The following ARMC3 variants were observed in gnomAD, a reference collection of about 807,000 sequenced individuals.
The protein encoded by ARMC3 is armadillo repeat-containing protein 3.
A neutral mutation model predicts 90.3 loss-of-function variants in ARMC3; 74 were observed. The ratio of observed to expected loss-of-function variants is 0.82; its 90% CI spans 0.68 to 0.99. The LOEUF (loss-of-function observed/expected upper bound fraction) is 0.99. Among genes scored for constraint, ARMC3 ranks in the 50% least tolerant of loss-of-function variants. The pLI is 0.00. For synonymous variants in ARMC3, 334 were observed against 361.8 expected, an observed-to-expected ratio of 0.92 and a Z score of 0.87; for missense variants, 958 against 1,042.8, an observed-to-expected ratio of 0.92 and a Z score of 1.12.
rs1220404360 is a variant in ARMC3, at chr10:23,017,927, CTTAATA to C, written c.2045+8999_2045+9004del. Among the ~76,000 whole-genome samples the C allele has an allele frequency of 2.0e-5, 3 of 152,236 alleles. No individual in the cohort carries two copies. In the East Asian group the frequency reaches 5.8e-4, roughly 29 times the overall value. On this transcript the variant is annotated intron_variant, in intron 16 of 18. Coordinates refer to ENST00000298032, the MANE Select transcript of ARMC3 (RefSeq NM_173081.5). ...GCTGCAATCAAAGCTACTGTTTAATCTTAATATTGTCAGATCCTATTATAATGAACA... is the reference window on the plus strand; with the variant it reads ...GCTGCAATCAAAGCTACTGTTTAATCTTGTCAGATCCTATTATAATGAACA...
chr10:22,956,953 TTTCC>T (rs1834969123), intron 4 of ARMC3, among the ~76,000 whole-genome samples: 1 of 151,942 alleles, frequency 6.6e-6, no homozygotes, highest in African/African-American at 2.4e-5. Flanking sequence ...CAGGATATAT[TTTCC>T]TTGTCATTTT....
chr10:22,951,076 TACAGGCGCCCGCCA>T lies in ARMC3; in HGVS notation c.167-4730_167-4717del, dbSNP rs539111965. Among the ~76,000 whole-genome samples the T allele has an allele frequency of 2.0e-3, 303 of 151,932 alleles. 2 individuals carry two copies. The highest frequency in any genetic ancestry group is 7.0e-3 in the African/African-American group (289 of 41,484). ...CCTCAGCCTCCCAAGTAGCTGGGAC[TACAGGCGCCCGCCA>T]CTACACCCAGCTAATTGTTTGTATT... On this transcript the variant is annotated intron_variant, in intron 3 of 18. Coordinates refer to ENST00000298032, the MANE Select transcript of ARMC3 (RefSeq NM_173081.5).
intron 3 of ARMC3, among the ~76,000 whole-genome samples, chr10:22,948,201 T>G (rs1279952004): frequency 6.6e-6 from 1 of 152,178 alleles, no homozygotes; most frequent in East Asian, 1.9e-4. Context: ...TTTCTGGAAG[T>G]TACTATATCT....
At chr10:23,023,529 T>A (rs1219984392) in intron 16 of ARMC3, among the ~76,000 whole-genome samples, 1 of 152,208 alleles carries the variant, frequency 6.6e-6, no homozygotes, top group African/African-American at 2.4e-5. Flanking sequence ...ATAAATCAGT[T>A]GTTGGAATTA....
chr10:22,949,007 T>A (rs571532856), intron 3 of ARMC3, among the ~76,000 whole-genome samples: 4 of 152,174 alleles, frequency 2.6e-5, no homozygotes, highest in Non-Finnish European at 2.9e-5. Context: ...CCTGTTTCCA[T>A]CAGCCAGGCA....
intron 10 of ARMC3, among the ~76,000 whole-genome samples, chr10:22,989,116 A>G (rs1013329797): frequency 6.6e-6 from 1 of 152,174 alleles, no homozygotes; most frequent in African/African-American, 2.4e-5. Context: ...TAATGGAAGG[A>G]TGGTTCTGTA....
intron 12 of ARMC3, among the ~76,000 whole-genome samples, chr10:23,002,576 TTCTTTC>T (rs1837354734): frequency 7.2e-6 from 1 of 138,472 alleles, no homozygotes; most frequent in Admixed American, 7.2e-5. Flanking sequence ...CTTTCTTTCT[TTCTTTC>T]TTTTTCTTTC....
intron 10 of ARMC3, among the ~76,000 whole-genome samples, chr10:22,991,536 C>T (rs1836708237): frequency 6.6e-6 from 1 of 151,616 alleles, no homozygotes; most frequent in South Asian, 2.1e-4. Flanking sequence ...GTGCTAGGCT[C>T]TTGGGGTACC....
chr10:22,992,423 G>A (rs1824853), intron 10 of ARMC3, among the ~76,000 whole-genome samples: 1 of 151,158 alleles, frequency 6.6e-6, no homozygotes, highest in African/African-American at 2.4e-5. Flanking sequence ...CTAGCATTTT[G>A]CGGGGGGCAT....
At chr10:23,028,421 A>G (rs1455755425) in intron 16 of ARMC3, among the ~76,000 whole-genome samples, 1 of 152,180 alleles carries the variant, frequency 6.6e-6, no homozygotes, top group Non-Finnish European at 1.5e-5. Flanking sequence ...GTCTTTGTGT[A>G]ATCAACATCT....
chr10:22,953,303 G>GAT (rs1248807612), intron 3 of ARMC3, among the ~76,000 whole-genome samples: 1 of 152,040 alleles, frequency 6.6e-6, no homozygotes, highest in Admixed American at 6.6e-5. Context: ...CACCTACTGA[G>GAT]ATATATATCA....
At chr10:22,962,253 T>C (rs1361437848) in intron 7 of ARMC3, among the ~76,000 whole-genome samples, 175 bp downstream of exon 7, 3 of 152,216 alleles carry the variant, frequency 2.0e-5, no homozygotes, top group African/African-American at 7.2e-5. Flanking sequence ...TATTATAAAC[T>C]AATTTTAAAA....
intron 10 of ARMC3, among the ~76,000 whole-genome samples, chr10:22,994,566 A>G (rs1366601236): frequency 6.6e-6 from 1 of 152,194 alleles, no homozygotes; most frequent in Non-Finnish European, 1.5e-5. Context: ...CAAAAAAGAA[A>G]AAGAAAAAAT....
chr10:23,031,922 C>T (rs1231173705), intron 17 of ARMC3, among the ~76,000 whole-genome samples: 1 of 151,824 alleles, frequency 6.6e-6, no homozygotes, highest in Non-Finnish European at 1.5e-5. Context: ...TTCTTCTTTG[C>T]TTGGTTTTTC....
chr10:22,960,823 A>G (rs1439927056), intron 6 of ARMC3: 2 of 152,202 alleles, frequency 1.3e-5, no homozygotes, highest in Non-Finnish European at 2.9e-5. Flanking sequence ...CTGAGACCAG[A>G]TAGGACCCTT....
chr10:23,008,742 C>G, intron 15 of ARMC3, 73 bp from the exon 16 acceptor site: 2 of 1,260,398 alleles, frequency 1.6e-6, no homozygotes, highest in Non-Finnish European at 2.3e-6. Flanking sequence ...CTTGTAAGCT[C>G]TAAATGCAAA....
chr10:23,007,165 C>T (rs765376571), intron 14 of ARMC3, among the ~76,000 whole-genome samples, 184 bp downstream of exon 14: 1 of 152,156 alleles, frequency 6.6e-6, no homozygotes, highest in Non-Finnish European at 1.5e-5. Context: ...AAATAGCCAC[C>T]ACTGCAAATC....
rs1837418890 is a variant in ARMC3, at chr10:23,003,471, C to T, written c.1731+57C>T. ...TGTACAATAATAATTTTTCTTTAAT[C>T]CTGATGCCATTACATTGCCATTTCA... On this transcript the variant is annotated intron_variant, in intron 13 of 18. Transcript: ENST00000298032. The T allele has an allele frequency of 3.7e-6, 5 of 1,350,602 alleles. No individual in the cohort carries two copies. The African/African-American group carries it at 4.4e-5, about 12-fold the overall frequency. 83.7% of individuals were successfully genotyped at this position (1,350,602 alleles called of 1,614,324 possible).
chr10:23,022,405 C>A (rs1838547648), intron 16 of ARMC3, among the ~76,000 whole-genome samples: 1 of 152,162 alleles, frequency 6.6e-6, no homozygotes, highest in Admixed American at 6.5e-5. Flanking sequence ...CTAAATAGAA[C>A]TATTAACCCT....
Sources: allele counts gnomAD v4.1 joint callset (sites outside exome capture counted in the v4.1 genomes callset), GRCh38; gene constraint gnomAD v4.1.1; transcripts MANE v1.5; gene names NCBI Gene and HGNC (gene_info 2026-07-23, HGNC 2026-07-21).